ANTXR2: variants seen among roughly 807,000 people sequenced by gnomAD.
ANTXR2 encodes the protein anthrax toxin receptor 2.
Under a neutral mutation model 73.7 loss-of-function variants are expected in ANTXR2, and 44 were observed. The observed-to-expected ratio is 0.60, with a 90% CI of 0.47 to 0.77. The LOEUF is 0.77. Among genes scored for constraint, ANTXR2 ranks in the 30% least tolerant of loss-of-function variants. The pLI, the probability that ANTXR2 is intolerant of heterozygous loss-of-function variation, is 0.00. For missense variants in ANTXR2, 604 were observed against 592.5 expected (o/e 1.02, Z -0.20); for synonymous variants, 217 against 205.9 (o/e 1.05, Z -0.46).
intron 16 of ANTXR2, among the ~76,000 whole-genome samples, chr4:79,956,940 A>G (rs1728910393): frequency 1.3e-5 from 2 of 152,140 alleles, no homozygotes; most frequent in South Asian, 4.1e-4. Context: ...TAAAAAACAG[A>G]GTGGATTTAT....
rs1184831204 is a variant in ANTXR2, at chr4:79,902,788, A to G, written c.*4641T>C. The G allele has an allele frequency of 6.6e-6, 1 of 152,090 alleles. No individual in the cohort carries two copies. The highest frequency in any genetic ancestry group is 1.5e-5 in the Non-Finnish European group (1 of 68,016). The allele number at this position is 152,090 out of a possible 1,614,324, so 9.4% of individuals were successfully genotyped here. On this transcript the variant is annotated 3_prime_UTR_variant, in exon 17 of 17. Transcript: ENST00000403729. ...TATTACCACACACTACAGACAAAGAAGCCAGTCATATTGATACAAATATGA... is the reference window on the plus strand; with the variant it reads ...TATTACCACACACTACAGACAAAGAGGCCAGTCATATTGATACAAATATGA...
At chr4:79,922,346 G>A (rs1727624338) in intron 16 of ANTXR2, among the ~76,000 whole-genome samples, 1 of 152,052 alleles carries the variant, frequency 6.6e-6, no homozygotes, top group East Asian at 1.9e-4. Flanking sequence ...CTCACAGTTT[G>A]TAAAGAAACT....
chr4:79,916,554 T>G (rs7686901), intron 16 of ANTXR2, among the ~76,000 whole-genome samples: 123,434 of 151,950 alleles, frequency 0.81, 50,343 homozygotes, highest in East Asian at 1. Context: ...TAAAAAAATT[T>G]CTCATAATAT....
intron 3 of ANTXR2, among the ~76,000 whole-genome samples, chr4:80,061,545 T>G (rs552299804): frequency 6.6e-4 from 101 of 152,254 alleles, no homozygotes; most frequent in Non-Finnish European, 1.3e-3. Flanking sequence ...TTTATGATAA[T>G]TAGCCAATTA....
intron 16 of ANTXR2, among the ~76,000 whole-genome samples, chr4:79,914,245 C>A (rs1317951039): frequency 6.6e-6 from 1 of 152,084 alleles, no homozygotes; most frequent in African/African-American, 2.4e-5. Context: ...AACTATACAA[C>A]TTAACGTCTT....
At chr4:79,948,257 T>TAAG (rs954051333) in intron 16 of ANTXR2, among the ~76,000 whole-genome samples, 35 of 152,138 alleles carry the variant, frequency 2.3e-4, no homozygotes, top group African/African-American at 8.4e-4. Context: ...GTGGTTCAGA[T>TAAG]AAGAGGACTT....
rs547704828 is a variant in ANTXR2, at chr4:79,901,153, A to T, written c.*6276T>A. The stretch of plus-strand genomic sequence containing the variant: ...GAGACTTTCAGAACTAGAGGATATT[A>T]AAAAAAGAACTAAAAAGAACACTTT... On this transcript the variant is annotated 3_prime_UTR_variant, in exon 17 of 17. Transcript: ENST00000403729. 9.7e-4 allele frequency: 147 copies of T among 152,264 alleles called. 1 individual carries two copies. Among genetic ancestry groups the T allele is most frequent in the African/African-American group, 3.2e-3 (132 of 41,572 alleles). The allele number at this position is 152,264 out of a possible 1,614,324, so 9.4% of individuals were successfully genotyped here. A position where few individuals can be genotyped will look rare whatever the true frequency, so the allele number is the denominator to read the frequency against.
At chr4:79,927,290 C>T (rs944586281) in intron 16 of ANTXR2, among the ~76,000 whole-genome samples, 2 of 57,220 alleles carry the variant, frequency 3.5e-5, no homozygotes, top group Non-Finnish European at 3.4e-5. Context: ...TTTAGGAGCT[C>T]TTACCACACA....
intron 7 of ANTXR2, among the ~76,000 whole-genome samples, chr4:80,046,579 T>G (rs1354190399): frequency 6.6e-6 from 1 of 151,826 alleles, no homozygotes; most frequent in Non-Finnish European, 1.5e-5. Context: ...TTGCCCACTT[T>G]CTTGTTTTAC....
At chr4:80,035,470 G>A (rs1732908411) in intron 8 of ANTXR2, among the ~76,000 whole-genome samples, 1 of 152,142 alleles carries the variant, frequency 6.6e-6, no homozygotes, top group Non-Finnish European at 1.5e-5. Flanking sequence ...CACTCTGTCT[G>A]GGCAAGGATG....
chr4:79,954,048 T>C (rs192897148), intron 16 of ANTXR2, among the ~76,000 whole-genome samples: 25 of 152,258 alleles, frequency 1.6e-4, no homozygotes, highest in Non-Finnish European at 2.8e-4. Context: ...ACCAATAAAT[T>C]CTGAAACATA....
At chr4:79,978,213 G>A in intron 14 of ANTXR2, 39 bp from the exon 15 acceptor site, 3 of 1,592,084 alleles carry the variant, frequency 1.9e-6, no homozygotes, top group Non-Finnish European at 2.6e-6. Flanking sequence ...CAGACATAAA[G>A]TGTCCTAGAG....
intron 16 of ANTXR2, among the ~76,000 whole-genome samples, chr4:79,960,609 A>G (rs1338280493): frequency 6.6e-6 from 1 of 151,966 alleles, no homozygotes; most frequent in Admixed American, 6.6e-5. Context: ...GTCCAGGGGT[A>G]TTCTTTCATT....
chr4:80,047,582 C>G (rs1733575772), intron 7 of ANTXR2, among the ~76,000 whole-genome samples: 1 of 151,634 alleles, frequency 6.6e-6, no homozygotes, highest in African/African-American at 2.4e-5. Context: ...TTGCCCCCAA[C>G]AGAATTGGTA....
chr4:79,954,499 A>C (rs1353570953), intron 16 of ANTXR2, among the ~76,000 whole-genome samples: 3 of 152,090 alleles, frequency 2.0e-5, no homozygotes, highest in Non-Finnish European at 4.4e-5. Flanking sequence ...AGTTCTAGCT[A>C]CTCAGGAGGC....
intron 16 of ANTXR2, among the ~76,000 whole-genome samples, chr4:79,966,900 G>C (rs1268330347): frequency 1.3e-5 from 1 of 78,832 alleles, no homozygotes; most frequent in African/African-American, 2.9e-5. Flanking sequence ...TATAAGAATA[G>C]GGCGTCCGGG....
At chr4:80,028,329 A>G (rs1395592056) in intron 10 of ANTXR2, among the ~76,000 whole-genome samples, 1 of 152,116 alleles carries the variant, frequency 6.6e-6, no homozygotes, top group Non-Finnish European at 1.5e-5. Flanking sequence ...ATGACGACCT[A>G]TGTCCTAGCT....
In ANTXR2 at chr4:80,008,608, C is replaced by G; in HGVS notation, c.954G>C (p.Gly318=). ...CCAAAATAACAATGATGGCTGCGAT[C>G]CCGTTAGACTAAAGTAGGCAAAAAG... is the stretch of plus-strand genomic sequence containing the variant. ...LIVTATECSN[G]IAAIIVILVL... The change falls in exon 12 of 17, where the codon GGG becomes GGC. Residue 318 remains glycine, a synonymous_variant. Transcript: ENST00000403729. The G allele has an allele frequency of 6.3e-7, 1 of 1,599,792 alleles. No individual in the cohort carries two copies. Among genetic ancestry groups the G allele is most frequent in the Non-Finnish European group, 8.5e-7 (1 of 1,174,824 alleles).
chr4:80,010,480 T>C (rs879802939), intron 11 of ANTXR2, among the ~76,000 whole-genome samples: 2 of 152,178 alleles, frequency 1.3e-5, no homozygotes, highest in African/African-American at 2.4e-5. Context: ...ACAGCACTCA[T>C]AGAAATGGCA....
Sources: allele counts gnomAD v4.1 joint callset (sites outside exome capture counted in the v4.1 genomes callset), GRCh38; gene constraint gnomAD v4.1.1; transcripts MANE v1.5; gene names NCBI Gene and HGNC (gene_info 2026-07-23, HGNC 2026-07-21).